Variants in BCAS3 observed in about 807,000 individuals in gnomAD.
BCAS3 encodes the protein BCAS4/BCAS3 fusion.
In BCAS3, 53 loss-of-function variants were observed where a neutral mutation model predicts 116.1. The ratio of observed to expected loss-of-function variants is 0.46; its 90% CI spans 0.37 to 0.57. The LOEUF is 0.57. Among genes scored for constraint, BCAS3 ranks in the 20% least tolerant of loss-of-function variants. BCAS3 has a pLI of 0.00. For missense variants in BCAS3, 917 were observed against 1,165.4 expected (o/e 0.79, Z 3.10); for synonymous variants, 391 against 408.2 (o/e 0.96, Z 0.51).
intron 22 of BCAS3, among the ~76,000 whole-genome samples, chr17:61,176,627 G>A (rs2079169093): frequency 6.6e-6 from 1 of 151,838 alleles, no homozygotes. Context: ...GTGCTATCAT[G>A]GTTCACTGCA....
intron 7 of BCAS3, among the ~76,000 whole-genome samples, chr17:60,859,472 C>T (rs1026897894): frequency 6.6e-5 from 10 of 152,000 alleles, no homozygotes; most frequent in Non-Finnish European, 1.5e-4. Context: ...TGCATTAATT[C>T]GCTTAGGATA....
chr17:61,224,184 A>G lies in BCAS3; in HGVS notation c.2425+139620A>G, dbSNP rs192420290. 6.6e-6 allele frequency among the ~76,000 whole-genome samples: 1 copy of G among 152,344 alleles called. No individual in the cohort carries two copies. The highest frequency in any genetic ancestry group is 2.4e-5 in the African/African-American group (1 of 41,580). ...CATTGATTTATAAGAGAAATCTTTA[A>G]GCATCTATCATGTGCATCTCTGTAC... is the stretch of plus-strand genomic sequence containing the variant. On this transcript the variant is annotated intron_variant, in intron 22 of 23. Coordinates refer to ENST00000407086, the MANE Select transcript of BCAS3 (RefSeq NM_017679.5). The surrounding 1 kb of genome is among the most constrained non-coding windows in gnomAD (Gnocchi z 5.7).
intron 6 of BCAS3, among the ~76,000 whole-genome samples, chr17:60,767,485 C>T (rs1028564998): frequency 2.1e-4 from 32 of 151,622 alleles, no homozygotes; most frequent in Non-Finnish European, 3.7e-4. Context: ...GCTGGGACTA[C>T]AGGCATACAC....
In BCAS3 at chr17:61,352,469, A is replaced by G. The variant is rs1450658797; in HGVS notation, c.2426-15858A>G. Among the ~76,000 whole-genome samples, 1 of 152,152 alleles carries G rather than the reference A, an allele frequency of 6.6e-6. No individual in the cohort carries two copies. The highest frequency in any genetic ancestry group is 1.5e-5 in the Non-Finnish European group (1 of 68,032). On this transcript the variant is annotated intron_variant, in intron 22 of 23. Transcript: ENST00000407086. The surrounding 1 kb of genome is among the most constrained non-coding windows in gnomAD (Gnocchi z 4.7). Reference sequence around the variant, plus strand: ...CAAGGAAGGGGTGAGAGGAGGCTCTACTGGCCTTTTTGAACTTACTTCTCA... The same window carrying G: ...CAAGGAAGGGGTGAGAGGAGGCTCTGCTGGCCTTTTTGAACTTACTTCTCA...
intron 22 of BCAS3, among the ~76,000 whole-genome samples, chr17:61,329,605 T>C (rs1274946239): frequency 6.6e-6 from 1 of 152,124 alleles, no homozygotes; most frequent in Non-Finnish European, 1.5e-5. Flanking sequence ...CCTCCCAAAG[T>C]GCTGGGATTA....
At chr17:60,814,368 T>A (rs2049171317) in intron 7 of BCAS3, among the ~76,000 whole-genome samples, 1 of 151,922 alleles carries the variant, frequency 6.6e-6, no homozygotes, top group Non-Finnish European at 1.5e-5. Flanking sequence ...TGGACGTTAT[T>A]TGTATATAGA....
intron 7 of BCAS3, among the ~76,000 whole-genome samples, chr17:60,865,129 A>G (rs1300550751): frequency 1.3e-5 from 2 of 152,196 alleles, no homozygotes; most frequent in Admixed American, 6.5e-5. Flanking sequence ...CTAGTTGAGC[A>G]CGTAGTGTTG....
chr17:60,713,211 C>T (rs1430283075), intron 5 of BCAS3, among the ~76,000 whole-genome samples: 1 of 152,170 alleles, frequency 6.6e-6, no homozygotes, highest in East Asian at 1.9e-4. Flanking sequence ...TCAAAATGCT[C>T]AGCATGCCAA....
At position 61,139,111 on chromosome 17, in the gene BCAS3, G is replaced by A. The variant is rs1288206309; in HGVS notation, c.2425+54547G>A. Among the ~76,000 whole-genome samples the A allele has an allele frequency of 1.3e-5, 2 of 152,076 alleles. No individual in the cohort carries two copies. The highest frequency in any genetic ancestry group is 4.8e-5 in the African/African-American group (2 of 41,414). On this transcript the variant is annotated intron_variant, in intron 22 of 23. Transcript: ENST00000407086. This position sits in a 1 kb window ranked among gnomAD's most constrained non-coding sequence, Gnocchi z 4.7. ...TTTTATTCTTGGATTTTCAAGAATT[G>A]TTATCTTTTTATTTATACCTATTTT...
At chr17:61,271,423 G>GTTTTTTTTTTTTTTTTTT (rs1428434597) in intron 22 of BCAS3, among the ~76,000 whole-genome samples, 1 of 6,116 alleles carries the variant, frequency 1.6e-4, no homozygotes, top group Non-Finnish European at 3.6e-4. Context: ...ACCATGCCCG[G>GTTTTTTTTTTTTTTTTTT]ATTTTTTTTT....
intron 6 of BCAS3, among the ~76,000 whole-genome samples, chr17:60,751,347 C>T (rs2042437773): frequency 6.6e-6 from 1 of 152,064 alleles, no homozygotes; most frequent in Non-Finnish European, 1.5e-5. Context: ...TACTAATTAT[C>T]TTTCAAATCT....
At position 61,274,281 on chromosome 17, in the gene BCAS3, ATTT is replaced by A. The variant is rs780529516; in HGVS notation, c.2426-94023_2426-94021del. 1.2e-3 allele frequency among the ~76,000 whole-genome samples: 119 copies of A among 96,226 alleles called. 1 individual carries two copies. The highest frequency in any genetic ancestry group is 4.4e-3 in the African/African-American group (105 of 23,708). The allele number at this position is 96,226 out of a possible 152,430, so 63.1% of individuals were successfully genotyped here. On this transcript the variant is annotated intron_variant, in intron 22 of 23. Coordinates refer to ENST00000407086, the MANE Select transcript of BCAS3 (RefSeq NM_017679.5). ...TTCACACTTTCTTTAAAATCTTTGAATTTTTTTTTTTTTTTTTTTTTTTTTGAG... is the reference window on the plus strand; with the variant it reads ...TTCACACTTTCTTTAAAATCTTTGAATTTTTTTTTTTTTTTTTTTTTTGAG...
intron 4 of BCAS3, among the ~76,000 whole-genome samples, chr17:60,700,174 A>C (rs2036198310): frequency 7.1e-6 from 1 of 140,788 alleles, no homozygotes; most frequent in Admixed American, 7.0e-5. Context: ...ACCCTGTCTC[A>C]AAAAAAAAAA....
chr17:60,844,292 A>T (rs2144774055), intron 7 of BCAS3, among the ~76,000 whole-genome samples: 1 of 152,278 alleles, frequency 6.6e-6, no homozygotes, highest in Non-Finnish European at 1.5e-5. Flanking sequence ...AATTTATCGA[A>T]TGAATAAATT....
At chr17:61,174,327 C>T (rs1334662794) in intron 22 of BCAS3, among the ~76,000 whole-genome samples, 1 of 152,162 alleles carries the variant, frequency 6.6e-6, no homozygotes, top group African/African-American at 2.4e-5. Flanking sequence ...TTCCTCACCC[C>T]AGCTGCTGAT....
chr17:61,303,305 G>A (rs747372605), intron 22 of BCAS3, among the ~76,000 whole-genome samples: 4 of 152,224 alleles, frequency 2.6e-5, no homozygotes, highest in Admixed American at 1.3e-4. Flanking sequence ...ATCTATGAGC[G>A]TGGGGAAGAA....
At chr17:61,090,578 G>T (rs755514381) in intron 22 of BCAS3, among the ~76,000 whole-genome samples, 1 of 152,202 alleles carries the variant, frequency 6.6e-6, no homozygotes, top group Non-Finnish European at 1.5e-5. Flanking sequence ...ATAGGGAAAA[G>T]ACCTTATTTG....
rs946889775 is a variant in BCAS3 at position 61,244,844 on chromosome 17, CAG to C, written c.2426-123480_2426-123479del. 1.8e-4 allele frequency among the ~76,000 whole-genome samples: 27 copies of C among 152,012 alleles called. No individual in the cohort carries two copies. The highest frequency in any genetic ancestry group is 6.0e-4 in the African/African-American group (25 of 41,376). ...CGCCACTGTACCCCAGCCTGAGCAA[CAG>C]AGTGAGACTCCGTCTCAAAAAAAAT... is the stretch of plus-strand genomic sequence containing the variant. On this transcript the variant is annotated intron_variant, in intron 22 of 23. Transcript: ENST00000407086. The surrounding 1 kb of genome is among the most constrained non-coding windows in gnomAD (Gnocchi z 4.9).
chr17:60,842,907 T>TGTTGCCCAGACTAGAGTGCA (rs1196746507), intron 7 of BCAS3, among the ~76,000 whole-genome samples: 1 of 151,626 alleles, frequency 6.6e-6, no homozygotes, highest in Non-Finnish European at 1.5e-5. Flanking sequence ...GGTCTTGCTC[T>TGTTGCCCAGACTAGAGTGCA]GTTGCCCAGA....
Sources: allele counts gnomAD v4.1 joint callset (sites outside exome capture counted in the v4.1 genomes callset), GRCh38; gene constraint gnomAD v4.1.1; non-coding constraint Gnocchi (gnomAD v3.1); transcripts MANE v1.5; gene names NCBI Gene and HGNC (gene_info 2026-07-23, HGNC 2026-07-21).